The following PEBP4 variants were observed in gnomAD, a reference collection of about 807,000 sequenced individuals.
PEBP4 encodes phosphatidylethanolamine binding protein 4, also known as phosphatidylethanolamine-binding protein 4.
Under a neutral mutation model 23.9 loss-of-function variants are expected in PEBP4, and 22 were observed. The ratio of observed to expected loss-of-function variants is 0.92; its 90% CI spans 0.66 to 1.31. The LOEUF is 1.31. Ranked by LOEUF, PEBP4 falls within the 40% of genes most tolerant of loss-of-function variation. The probability of loss-of-function intolerance (pLI) is 0.00; values close to 1 mark genes in which losing one functional copy is unlikely to be tolerated. For synonymous variants in PEBP4, 112 were observed against 99.3 expected (o/e 1.13, Z -0.76); for missense variants, 324 against 281.7 (o/e 1.15, Z -1.07).
chr8:22,787,029 C>T (rs985478227), intron 4 of PEBP4, among the ~76,000 whole-genome samples: 3 of 152,132 alleles, frequency 2.0e-5, no homozygotes, highest in Non-Finnish European at 4.4e-5. Context: ...CTCTGTGTTG[C>T]CCAGGCTGGT....
chr8:22,826,779 G>A (rs1375056840), intron 3 of PEBP4, among the ~76,000 whole-genome samples: 1 of 152,222 alleles, frequency 6.6e-6, no homozygotes, highest in African/African-American at 2.4e-5. Flanking sequence ...GCTGTGGGTG[G>A]TGGTATTGAT....
At chr8:22,916,677 T>C (rs1335687009) in intron 3 of PEBP4, among the ~76,000 whole-genome samples, 2 of 152,232 alleles carry the variant, frequency 1.3e-5, no homozygotes, top group Non-Finnish European at 2.9e-5. Flanking sequence ...CATGCATTCA[T>C]GCATTCATGC....
At chr8:22,873,802 G>A (rs1315119298) in intron 3 of PEBP4, among the ~76,000 whole-genome samples, 9 of 152,164 alleles carry the variant, frequency 5.9e-5, no homozygotes, top group Non-Finnish European at 1.0e-4. Flanking sequence ...ATGGGTACAT[G>A]TGGAATATTG....
chr8:22,804,382 C>T (rs1806450864), intron 4 of PEBP4, among the ~76,000 whole-genome samples: 1 of 152,108 alleles, frequency 6.6e-6, no homozygotes, highest in Admixed American at 6.5e-5. Flanking sequence ...GGAAGTCCTC[C>T]CACAGTCTGT....
At chr8:22,776,554 C>T (rs905921969) in intron 4 of PEBP4, among the ~76,000 whole-genome samples, 8 of 151,970 alleles carry the variant, frequency 5.3e-5, no homozygotes, top group African/African-American at 1.9e-4. Flanking sequence ...TGTCTTCTTA[C>T]ATCCTCCTCC....
At chr8:22,938,300 C>T (rs1010095035) in intron 1 of PEBP4, among the ~76,000 whole-genome samples, 1 of 152,204 alleles carries the variant, frequency 6.6e-6, no homozygotes, top group South Asian at 2.1e-4. Context: ...TCTCTCCCAC[C>T]TCTAGGCCTT....
intron 3 of PEBP4, among the ~76,000 whole-genome samples, chr8:22,831,494 A>G (rs1807082779): frequency 6.6e-6 from 1 of 152,136 alleles, no homozygotes; most frequent in African/African-American, 2.4e-5. Flanking sequence ...TTCATTCAAC[A>G]AGCATTGATT....
At chr8:22,863,936 GT>G (rs1807831038) in intron 3 of PEBP4, among the ~76,000 whole-genome samples, 1 of 152,060 alleles carries the variant, frequency 6.6e-6, no homozygotes, top group African/African-American at 2.4e-5. Context: ...ATGATGTCTG[GT>G]CCGGACTTTT....
chr8:22,733,931 T>G (rs1262180740), intron 4 of PEBP4, among the ~76,000 whole-genome samples: 4 of 145,804 alleles, frequency 2.7e-5, no homozygotes, highest in Non-Finnish European at 4.5e-5. Flanking sequence ...TAAGGGAGAG[T>G]AGAGGGAGAA....
chr8:22,927,743 G>A (rs750326624), intron 1 of PEBP4, 23 bp from the exon 2 acceptor site: 2 of 1,612,946 alleles, frequency 1.2e-6, no homozygotes, highest in Non-Finnish European at 1.7e-6. Context: ...GAACTTTAGA[G>A]CGGCTGGATC....
chr8:22,723,553 AT>A (rs1282360060), intron 6 of PEBP4, among the ~76,000 whole-genome samples: 2 of 152,138 alleles, frequency 1.3e-5, no homozygotes, highest in African/African-American at 4.8e-5. Flanking sequence ...GGGTGGGAGA[AT>A]GTCATAGGCT....
chr8:22,829,765 C>T (rs975710977), intron 3 of PEBP4, among the ~76,000 whole-genome samples: 2 of 152,162 alleles, frequency 1.3e-5, no homozygotes, highest in Admixed American at 1.3e-4. Flanking sequence ...TCCTTGGCCC[C>T]ATATCCTCCC....
At chr8:22,899,591 C>T (rs908290052) in intron 3 of PEBP4, among the ~76,000 whole-genome samples, 11 of 152,176 alleles carry the variant, frequency 7.2e-5, no homozygotes, top group Non-Finnish European at 1.2e-4. Flanking sequence ...GTTACCATGG[C>T]GTCTGCTGAG....
chr8:22,906,000 C>T (rs761379932), intron 3 of PEBP4, among the ~76,000 whole-genome samples: 15 of 152,166 alleles, frequency 9.9e-5, no homozygotes, highest in Admixed American at 3.9e-4. Flanking sequence ...ACCCATCACT[C>T]TATTTGCAAG....
intron 3 of PEBP4, among the ~76,000 whole-genome samples, chr8:22,918,996 G>T (rs187134426): frequency 6.6e-6 from 1 of 152,104 alleles, no homozygotes; most frequent in Non-Finnish European, 1.5e-5. Context: ...GGTGTTTGTC[G>T]TGTTTGCAAA....
intron 4 of PEBP4, among the ~76,000 whole-genome samples, chr8:22,770,736 C>A (rs749805195): frequency 1.3e-5 from 2 of 152,248 alleles, no homozygotes; most frequent in Non-Finnish European, 2.9e-5. Context: ...ATCAGCCCTG[C>A]TCCTCAGGCA....
intron 3 of PEBP4, among the ~76,000 whole-genome samples, chr8:22,901,521 T>C (rs553164898): frequency 2.6e-5 from 4 of 151,666 alleles, no homozygotes; most frequent in Admixed American, 6.6e-5. Flanking sequence ...CCACCTAAAG[T>C]CATCTTTAAT....
At chr8:22,770,610 T>A (rs1436833909) in intron 4 of PEBP4, among the ~76,000 whole-genome samples, 2 of 152,208 alleles carry the variant, frequency 1.3e-5, no homozygotes, top group Non-Finnish European at 1.5e-5. Flanking sequence ...ATTGTGACTG[T>A]GTGATTTTTC....
intron 3 of PEBP4, among the ~76,000 whole-genome samples, chr8:22,822,080 A>G (rs2128762638): frequency 6.6e-6 from 1 of 152,114 alleles, no homozygotes; most frequent in South Asian, 2.1e-4. Flanking sequence ...AGGAAGGGAT[A>G]AAGGTTGTGT....
Sources: gnomAD v4.1 joint callset for allele counts (sites outside exome capture counted in the v4.1 genomes callset) on GRCh38, gnomAD v4.1.1 for gene constraint, MANE v1.5 for transcripts, NCBI Gene and HGNC (gene_info 2026-07-23, HGNC 2026-07-21) for gene names.